EYS: variants seen among roughly 807,000 people sequenced by gnomAD.
EYS encodes protein eyes shut homolog.
Under a neutral mutation model 282.1 loss-of-function variants are expected in EYS, and 250 were observed. The ratio of observed to expected loss-of-function variants is 0.89; its 90% CI spans 0.80 to 0.98. EYS has a LOEUF of 0.98. EYS is among the 50% of genes least tolerant of loss of function. The probability of loss-of-function intolerance (pLI) is 0.00; values close to 1 mark genes in which losing one functional copy is unlikely to be tolerated. For synonymous variants in EYS, 1,355 were observed against 1,282.9 expected (o/e 1.06, Z -1.20); for missense variants, 4,016 against 3,709.0 (o/e 1.08, Z -2.15).
At chr6:63,968,123 ACATGC>A (rs1766390625) in intron 35 of EYS, among the ~76,000 whole-genome samples, 1 of 152,202 alleles carries the variant, frequency 6.6e-6, no homozygotes. Context: ...GACCTTTGTA[ACATGC>A]TTTTTATATT....
rs73742040 is a variant in EYS, at chr6:65,700,804, G to A, written c.-448+6331C>T. 5.4e-3 allele frequency among the ~76,000 whole-genome samples: 829 copies of A among 152,208 alleles called. 7 individuals carry two copies. Among genetic ancestry groups the A allele is most frequent in the African/African-American group, 0.019 (774 of 41,526 alleles). ...GGAAACCATTTGTAATGTGTTTGCC[G>A]TACGTTCTTCAGCATAGATATAGTC... is the stretch of plus-strand genomic sequence containing the variant. On this transcript the variant is annotated intron_variant, in intron 1 of 42. Coordinates refer to ENST00000503581, the MANE Select transcript of EYS (RefSeq NM_001142800.2).
chr6:63,843,051 A>G (rs1448912998), intron 36 of EYS, among the ~76,000 whole-genome samples: 1 of 152,108 alleles, frequency 6.6e-6, no homozygotes, highest in African/African-American at 2.4e-5. Context: ...TGATGCCTCC[A>G]GTTTTGTTCT....
chr6:64,474,127 CCT>C (rs1776198827), intron 26 of EYS, among the ~76,000 whole-genome samples: 1 of 152,130 alleles, frequency 6.6e-6, no homozygotes, highest in Non-Finnish European at 1.5e-5. Flanking sequence ...CTAACTTTCT[CCT>C]CTGTGACACT....
At chr6:65,430,064 G>T (rs1168423155) in intron 5 of EYS, among the ~76,000 whole-genome samples, 2 of 152,070 alleles carry the variant, frequency 1.3e-5, no homozygotes, top group Non-Finnish European at 2.9e-5. Flanking sequence ...TGCTACAAAT[G>T]ATAAACTCTT....
At chr6:64,626,087 T>C (rs760484885) in intron 23 of EYS, 34 bp downstream of exon 23, 1 of 1,213,220 alleles carries the variant, frequency 8.2e-7, no homozygotes, top group Non-Finnish European at 1.2e-6. Flanking sequence ...TATTATTATA[T>C]ATGCAGTATG....
chr6:64,339,221 A>C (rs953275148), intron 29 of EYS, among the ~76,000 whole-genome samples: 1 of 152,070 alleles, frequency 6.6e-6, no homozygotes, highest in African/African-American at 2.4e-5. Context: ...AAATCTTCAC[A>C]ATGTATATAT....
At position 65,166,621 on chromosome 6, in the gene EYS, A is replaced by G. The variant is rs536102597; in HGVS notation, c.2024-108894T>C. On this transcript the variant is annotated intron_variant, in intron 12 of 42. Coordinates refer to ENST00000503581, the MANE Select transcript of EYS (RefSeq NM_001142800.2). ...AGAGCTAAACCTATAAAACTTTTAG[A>G]AGCAAATCTATGAATACACCTTCAT... Among the ~76,000 whole-genome samples the G allele has an allele frequency of 8.4e-4, 127 of 151,398 alleles. 1 individual carries two copies. The highest frequency in any genetic ancestry group is 3.0e-3 in the African/African-American group (124 of 41,480).
chr6:63,784,064 G>A (rs1284256495), intron 39 of EYS, among the ~76,000 whole-genome samples: 1 of 152,154 alleles, frequency 6.6e-6, no homozygotes, highest in Non-Finnish European at 1.5e-5. Flanking sequence ...CTTCGTACTT[G>A]GACTGAAACA....
chr6:65,153,396 T>C (rs1190751765), intron 12 of EYS, among the ~76,000 whole-genome samples: 1 of 150,916 alleles, frequency 6.6e-6, no homozygotes, highest in African/African-American at 2.4e-5. Flanking sequence ...TGTGTGTGTG[T>C]GTGTGTGTGT....
At chr6:65,458,644 A>C (rs1462784288) in intron 5 of EYS, among the ~76,000 whole-genome samples, 2 of 152,134 alleles carry the variant, frequency 1.3e-5, no homozygotes, top group Non-Finnish European at 2.9e-5. Flanking sequence ...TCTGTTGTTA[A>C]GTTCAGGATT....
At chr6:64,193,350 A>C (rs1350373964) in intron 31 of EYS, among the ~76,000 whole-genome samples, 1 of 151,460 alleles carries the variant, frequency 6.6e-6, no homozygotes, top group Non-Finnish European at 1.5e-5. Context: ...TCCCTCTGTC[A>C]CCCAGGCTGG....
At chr6:64,697,977 A>C (rs1770643949) in intron 22 of EYS, among the ~76,000 whole-genome samples, 1 of 152,034 alleles carries the variant, frequency 6.6e-6, no homozygotes, top group Non-Finnish European at 1.5e-5. Context: ...AAAAATCAAA[A>C]TTAGATTAAA....
intron 26 of EYS, among the ~76,000 whole-genome samples, chr6:64,518,602 G>C (rs961923313): frequency 1.3e-5 from 2 of 151,516 alleles, no homozygotes; most frequent in African/African-American, 4.8e-5. Context: ...CTATTGACCC[G>C]ACGGGAATGA....
chr6:64,320,098 T>A (rs1770155055), intron 29 of EYS, among the ~76,000 whole-genome samples: 1 of 152,008 alleles, frequency 6.6e-6, no homozygotes, highest in South Asian at 2.1e-4. Flanking sequence ...AGGGTTTTTT[T>A]GTTTTTTAAA....
intron 41 of EYS, among the ~76,000 whole-genome samples, chr6:63,731,980 A>AAGAATG (rs1768794395): frequency 6.6e-6 from 1 of 152,072 alleles, no homozygotes; most frequent in African/African-American, 2.4e-5. Flanking sequence ...GGGGGGTCTC[A>AAGAATG]AGAATGGAAG....
At chr6:64,370,797 C>A (rs1772341550) in intron 29 of EYS, among the ~76,000 whole-genome samples, 1 of 151,746 alleles carries the variant, frequency 6.6e-6, no homozygotes, top group African/African-American at 2.4e-5. Flanking sequence ...TGTTGTCTAG[C>A]TCGCATGCAT....
At chr6:65,145,534 G>A (rs1764457019) in intron 12 of EYS, among the ~76,000 whole-genome samples, 1 of 151,772 alleles carries the variant, frequency 6.6e-6, no homozygotes, top group African/African-American at 2.4e-5. Context: ...AGGATGTGGA[G>A]GAAAGAAATG....
At chr6:64,825,308 A>G (rs1236015924) in intron 19 of EYS, among the ~76,000 whole-genome samples, 1 of 151,946 alleles carries the variant, frequency 6.6e-6, no homozygotes, top group Non-Finnish European at 1.5e-5. Context: ...CTCCTGTAAC[A>G]AGTAATCTCC....
At chr6:64,443,040 C>G (rs962769664) in intron 26 of EYS, among the ~76,000 whole-genome samples, 10 of 152,256 alleles carry the variant, frequency 6.6e-5, no homozygotes, top group Non-Finnish European at 1.2e-4. Context: ...GGAAAAGCCA[C>G]AGACACTCAA....
Sources: allele counts gnomAD v4.1 joint callset (sites outside exome capture counted in the v4.1 genomes callset), GRCh38; gene constraint gnomAD v4.1.1; transcripts MANE v1.5; gene names NCBI Gene and HGNC (gene_info 2026-07-23, HGNC 2026-07-21).